Variants in PRKD1 observed in about 807,000 individuals in gnomAD.
PRKD1 encodes the protein protein kinase D1, also known as serine/threonine-protein kinase D1.
A neutral mutation model predicts 95.9 loss-of-function variants in PRKD1; 63 were observed. The ratio of observed to expected loss-of-function variants is 0.66; its 90% CI spans 0.54 to 0.81. PRKD1 has a LOEUF of 0.81. PRKD1 is among the 30% of genes least tolerant of loss of function. The pLI is 0.00. For synonymous variants in PRKD1, 425 were observed against 423.1 expected (o/e 1.00, Z -0.05); for missense variants, 1,048 against 1,165.3 (o/e 0.90, Z 1.47).
At chr14:29,840,381 A>G (rs1476294902) in intron 1 of PRKD1, among the ~76,000 whole-genome samples, 1 of 152,072 alleles carries the variant, frequency 6.6e-6, no homozygotes, top group Non-Finnish European at 1.5e-5. Flanking sequence ...TGTCCATATC[A>G]TTATCAGTAT....
chr14:29,816,790 T>A (rs376800965), intron 1 of PRKD1, among the ~76,000 whole-genome samples: 3 of 152,220 alleles, frequency 2.0e-5, no homozygotes, highest in Admixed American at 2.0e-4. Context: ...GTGTAAATAA[T>A]CTATTTTATG....
chr14:29,812,928 C>T (rs1444197594), intron 1 of PRKD1, among the ~76,000 whole-genome samples: 4 of 152,068 alleles, frequency 2.6e-5, no homozygotes, highest in Non-Finnish European at 4.4e-5. Flanking sequence ...GCCTACATGG[C>T]GAAACCCTAG....
At chr14:29,587,680 G>C (rs1379992278) in intron 16 of PRKD1, among the ~76,000 whole-genome samples, 2 of 152,066 alleles carry the variant, frequency 1.3e-5, no homozygotes, top group Non-Finnish European at 2.9e-5. Flanking sequence ...GACATGCTTT[G>C]CAGATACTAC....
intron 9 of PRKD1, 44 bp from the exon 10 acceptor site, chr14:29,631,065 G>A: frequency 2.0e-6 from 3 of 1,510,394 alleles, no homozygotes; most frequent in Non-Finnish European, 2.7e-6. Context: ...TCAAAAGTAT[G>A]TAAACTTTCA....
rs374628064 is a variant in PRKD1 at position 29,634,448 on chromosome 14, C to A, written c.1284G>T (p.Trp428Cys). 55 of 1,614,044 alleles carry A rather than the reference C, an allele frequency of 3.4e-5. No homozygotes were observed. The African/African-American group carries it at 6.0e-4, about 18-fold the overall frequency. ...TGTCCTTGCTGGTGTAGTGGACCAT[C>A]CATCCTTCTTTCATGACTGTGCTGC... ...RKSSTVMKEG[W>C]MVHYTSKDTL... The change falls in exon 8 of 18, where the codon TGG becomes TGT. Residue 428 changes from tryptophan (W) to cysteine (C), a missense_variant. Physicochemically the swap from Trp to Cys is radical, Grantham distance 215 (BLOSUM62 -2). This residue lies in a region of PRKD1 where 739 missense variants were observed against 861.9 expected (regional missense o/e 0.86). Transcript: ENST00000331968.
At chr14:29,737,146 C>A (rs1202587834) in intron 1 of PRKD1, among the ~76,000 whole-genome samples, 2 of 150,752 alleles carry the variant, frequency 1.3e-5, no homozygotes, top group Non-Finnish European at 3.0e-5. Flanking sequence ...CAAGGTGAAA[C>A]CCCGTCTCTA....
rs1423466989 is a variant in PRKD1 at position 29,675,886 on chromosome 14, C to A, written c.404-9678G>T. 7.3e-5 allele frequency among the ~76,000 whole-genome samples: 11 copies of A among 149,926 alleles called. No individual in the cohort carries two copies. In the South Asian group the frequency reaches 1.1e-3, roughly 14 times the overall value. On this transcript the variant is annotated intron_variant, in intron 2 of 17. Coordinates refer to ENST00000331968, the MANE Select transcript of PRKD1 (RefSeq NM_002742.3). Reference sequence around the variant, plus strand: ...CAGCAAACTATCGCAAGGACAAAAACACAAACACCGCATGTTCTCACTCAT... The same window carrying A: ...CAGCAAACTATCGCAAGGACAAAAAAACAAACACCGCATGTTCTCACTCAT...
intron 1 of PRKD1, among the ~76,000 whole-genome samples, chr14:29,861,756 G>A (rs1218843504): frequency 2.0e-5 from 3 of 152,002 alleles, no homozygotes; most frequent in Admixed American, 1.3e-4. Flanking sequence ...GGGTTCAAGC[G>A]ATTCTCCTGT....
At chr14:29,811,723 C>A (rs1195203493) in intron 1 of PRKD1, among the ~76,000 whole-genome samples, 5 of 152,206 alleles carry the variant, frequency 3.3e-5, no homozygotes, top group Non-Finnish European at 5.9e-5. Context: ...GACAACAGCA[C>A]AAGTGGTCAC....
chr14:29,663,837 C>T lies in PRKD1; in HGVS notation c.558G>A (p.Lys186=). Reference sequence around the variant, plus strand: ...TGTTGGGTATTTTAAATGCACATCTCTTATGGTAATTCAGACCACACCCTG... The same window carrying T: ...TGTTGGGTATTTTAAATGCACATCTTTTATGGTAATTCAGACCACACCCTG... The part of the protein sequence containing the change: ...KCEGCGLNYH[K]RCAFKIPNNC... Residue 186 remains lysine, a synonymous_variant, in exon 4 of 18, where the codon AAG becomes AAA. Transcript: ENST00000331968. 1 of 1,613,852 alleles carries T rather than the reference C, an allele frequency of 6.2e-7. No homozygotes were observed. The highest frequency in any genetic ancestry group is 8.5e-7 in the Non-Finnish European group (1 of 1,179,880).
At chr14:29,864,213 T>C (rs569219066) in intron 1 of PRKD1, among the ~76,000 whole-genome samples, 1 of 152,182 alleles carries the variant, frequency 6.6e-6, no homozygotes, top group East Asian at 1.9e-4. Context: ...CCAACCAATA[T>C]AACACAGTCA....
intron 1 of PRKD1, among the ~76,000 whole-genome samples, chr14:29,770,204 A>T (rs1029614843): frequency 2.0e-5 from 3 of 152,226 alleles, no homozygotes; most frequent in African/African-American, 7.2e-5. Context: ...TAAATTACCC[A>T]GTCTAAGGTA....
At chr14:29,583,205 C>T (rs796352539) in intron 16 of PRKD1, among the ~76,000 whole-genome samples, 1 of 152,146 alleles carries the variant, frequency 6.6e-6, no homozygotes, top group African/African-American at 2.4e-5. Flanking sequence ...GGACTATATC[C>T]AAATACCTAG....
intron 1 of PRKD1, among the ~76,000 whole-genome samples, chr14:29,919,797 T>C (rs1269097534): frequency 6.6e-6 from 1 of 151,542 alleles, no homozygotes; most frequent in African/African-American, 2.4e-5. Context: ...AAACTCTGTC[T>C]CTACTAAAAA....
chr14:29,694,376 GAA>G (rs1354137256), intron 2 of PRKD1, among the ~76,000 whole-genome samples: 1 of 152,148 alleles, frequency 6.6e-6, no homozygotes, highest in Non-Finnish European at 1.5e-5. Flanking sequence ...TTATGAGATA[GAA>G]AAGACTTTGC....
intron 2 of PRKD1, among the ~76,000 whole-genome samples, chr14:29,682,677 T>G (rs1281564708): frequency 6.6e-6 from 1 of 152,136 alleles, no homozygotes; most frequent in Non-Finnish European, 1.5e-5. Context: ...TCATGGAACT[T>G]AGGACCTAAT....
intron 1 of PRKD1, among the ~76,000 whole-genome samples, chr14:29,827,589 G>A (rs1891247998): frequency 6.6e-6 from 1 of 152,052 alleles, no homozygotes; most frequent in Non-Finnish European, 1.5e-5. Flanking sequence ...AGAATCGAAG[G>A]CTCTTCCCCA....
intron 1 of PRKD1, among the ~76,000 whole-genome samples, chr14:29,800,774 A>G (rs1889995711): frequency 6.6e-6 from 1 of 152,192 alleles, no homozygotes. Context: ...AATGTGACCA[A>G]CTTTAAGTTG....
chr14:29,867,795 T>C (rs1892961869), intron 1 of PRKD1, among the ~76,000 whole-genome samples: 2 of 152,124 alleles, frequency 1.3e-5, no homozygotes, highest in South Asian at 4.1e-4. Context: ...CAAAAGTAGA[T>C]GATGGAGTTA....
Sources: allele counts gnomAD v4.1 joint callset (sites outside exome capture counted in the v4.1 genomes callset), GRCh38; gene constraint gnomAD v4.1.1; regional missense constraint gnomAD v4.1.1; transcripts MANE v1.5; gene names NCBI Gene and HGNC (gene_info 2026-07-23, HGNC 2026-07-21).